ATF7IP: variants seen among roughly 807,000 people sequenced by gnomAD.
ATF7IP encodes the protein activating transcription factor 7-interacting protein 1.
In ATF7IP, 23 loss-of-function variants were observed where a neutral mutation model predicts 106.4. The ratio of observed to expected loss-of-function variants is 0.22; its 90% confidence interval spans 0.16 to 0.31. ATF7IP has a LOEUF of 0.31. ATF7IP is among the 10% of genes least tolerant of loss of function. The probability of loss-of-function intolerance (pLI) is 1.00; values close to 1 mark genes in which losing one functional copy is unlikely to be tolerated. For synonymous variants in ATF7IP, 542 were observed against 539.0 expected, an observed-to-expected ratio of 1.01 and a Z score of -0.08; for missense variants, 1,334 against 1,524.3, an observed-to-expected ratio of 0.88 and a Z score of 2.08.
At chr12:14,435,986 C>A (rs1391200333) in intron 3 of ATF7IP, 120 bp from the exon 4 acceptor site, 1 of 1,010,350 alleles carries the variant, frequency 9.9e-7, no homozygotes, top group Non-Finnish European at 1.4e-6. Context: ...AAACAGTTTA[C>A]AAAATAGTTG....
Position 14,424,788 on chromosome 12 carries a change from A to G in ATF7IP, c.873A>G (p.Pro291=). 1.2e-6 allele frequency: 2 copies of G among 1,614,192 alleles called. No homozygotes were observed. Among genetic ancestry groups the G allele is most frequent in the Admixed American group, 1.7e-5 (1 of 60,014 alleles). Residue 291 remains proline, a synonymous_variant, in exon 2 of 15, where the codon CCA becomes CCG. Transcript: ENST00000261168. ...SESTFDRTFE[P]KSVPVCEPVP... ...CAACCTTTGATCGTACCTTTGAACC[A>G]AAGTCTGTACCAGTTTGTGAACCAG...
At chr12:14,402,698 T>C (rs911593766) in intron 1 of ATF7IP, among the ~76,000 whole-genome samples, 1 of 151,174 alleles carries the variant, frequency 6.6e-6, no homozygotes, top group African/African-American at 2.4e-5. Flanking sequence ...AACCTCTGCC[T>C]CCTGGGTTCA....
intron 6 of ATF7IP, among the ~76,000 whole-genome samples, chr12:14,453,611 T>TTTCACC (rs934767759): frequency 1.3e-5 from 2 of 152,050 alleles, no homozygotes; most frequent in African/African-American, 4.8e-5. Context: ...TCTCTTTCAC[T>TTTCACC]TTCACCTAAT....
Position 14,474,073 on chromosome 12 carries a change from T to C in ATF7IP, c.2863-1817T>C, listed in dbSNP as rs541833928. On this transcript the variant is annotated intron_variant, in intron 10 of 14. Transcript: ENST00000261168. ...TGTTTTCCACCAAATTTGGGAAGTT[T>C]TTGGTTATTATTCAATTTTTTCTTT... 3.3e-5 allele frequency among the ~76,000 whole-genome samples: 5 copies of C among 152,068 alleles called. 1 individual carries two copies. The highest frequency in any genetic ancestry group is 1.2e-4 in the African/African-American group (5 of 41,560).
intron 1 of ATF7IP, among the ~76,000 whole-genome samples, chr12:14,403,040 TG>T (rs1457901309): frequency 2.6e-5 from 4 of 152,318 alleles, no homozygotes; most frequent in South Asian, 4.1e-4. Flanking sequence ...ATTACTATGG[TG>T]TTTTTTTGTG....
In ATF7IP at chr12:14,381,167, A is replaced by G. The variant is rs1938986876; in HGVS notation, c.-8+15340A>G. Reference sequence around the variant, plus strand: ...GCCAGGTAAATCAGATTGGTTCTTAACTTGTCACCACTGCAGCTTGGAATA... The same window carrying G: ...GCCAGGTAAATCAGATTGGTTCTTAGCTTGTCACCACTGCAGCTTGGAATA... On this transcript the variant is annotated intron_variant, in intron 1 of 14. Transcript: ENST00000261168. Among the ~76,000 whole-genome samples, 4 of 152,104 alleles carry G rather than the reference A, an allele frequency of 2.6e-5. No individual in the cohort carries two copies. The South Asian group carries it at 8.3e-4, about 31-fold the overall frequency.
Position 14,446,970 on chromosome 12 carries a change from C to CTTTTTTT in ATF7IP, c.1930-10_1930-4dup. 1 of 1,223,990 alleles carries CTTTTTTT rather than the reference C, an allele frequency of 8.2e-7. No homozygotes were observed. Among genetic ancestry groups the CTTTTTTT allele is most frequent in the East Asian group, 2.9e-5 (1 of 34,652 alleles). 75.8% of individuals were successfully genotyped at this position (1,223,990 alleles called of 1,614,324 possible). On this transcript the variant is annotated splice_polypyrimidine_tract_variant and intron_variant, in intron 5 of 14. Transcript: ENST00000261168. ...CTATTTGATTTCCATTCATTTTTGT[C>CTTTTTTT]TTTTTTTTTTTTTTCAGGCCAAGAT...
intron 13 of ATF7IP, among the ~76,000 whole-genome samples, chr12:14,492,522 A>AG (rs1944863503): frequency 6.8e-6 from 1 of 146,680 alleles, no homozygotes; most frequent in Non-Finnish European, 1.5e-5. Flanking sequence ...AAATTGATTG[A>AG]GGGGTCATCA....
At position 14,377,945 on chromosome 12, in the gene ATF7IP, T is replaced by C. The variant is rs140752131; in HGVS notation, c.-8+12118T>C. Among the ~76,000 whole-genome samples, 29 of 151,920 alleles carry C rather than the reference T, an allele frequency of 1.9e-4. No individual in the cohort carries two copies. In the East Asian group the frequency reaches 4.9e-3, roughly 26 times the overall value. ...GCCTGGTCTGACTTACCCAATTTTATCCTGGTAGGCAGGAGAACAGATTCT... is the reference window on the plus strand; with the variant it reads ...GCCTGGTCTGACTTACCCAATTTTACCCTGGTAGGCAGGAGAACAGATTCT... On this transcript the variant is annotated intron_variant, in intron 1 of 14. Coordinates refer to ENST00000261168, the MANE Select transcript of ATF7IP (RefSeq NM_018179.5).
chr12:14,417,776 G>A (rs1941279173), intron 1 of ATF7IP, among the ~76,000 whole-genome samples: 1 of 152,134 alleles, frequency 6.6e-6, no homozygotes, highest in South Asian at 2.1e-4. Context: ...CTGTGTTCTA[G>A]ATTACTTATT....
intron 1 of ATF7IP, among the ~76,000 whole-genome samples, chr12:14,420,644 A>G (rs1941456276): frequency 6.7e-6 from 1 of 149,410 alleles, no homozygotes; most frequent in South Asian, 2.1e-4. Context: ...GAAAAAAAAA[A>G]TAAAGAAATA....
At chr12:14,475,643 G>A (rs1195646796) in intron 10 of ATF7IP, among the ~76,000 whole-genome samples, 1 of 152,140 alleles carries the variant, frequency 6.6e-6, no homozygotes, top group African/African-American at 2.4e-5. Flanking sequence ...GCAACAGATA[G>A]CTTAGTTTTT....
At chr12:14,378,360 A>G (rs887325650) in intron 1 of ATF7IP, among the ~76,000 whole-genome samples, 8 of 152,216 alleles carry the variant, frequency 5.3e-5, no homozygotes, top group Non-Finnish European at 1.0e-4. Context: ...GGCCTCCCAA[A>G]GTGCTGGGAT....
At chr12:14,395,459 TC>T (rs1939786252) in intron 1 of ATF7IP, among the ~76,000 whole-genome samples, 1 of 152,152 alleles carries the variant, frequency 6.6e-6, no homozygotes, top group Admixed American at 6.5e-5. Context: ...TTCTCAAAAT[TC>T]CTTCACATTT....
rs1229302308 is a variant in ATF7IP at position 14,436,238 on chromosome 12, A to G, written c.1778A>G (p.Gln593Arg). The change falls in exon 4 of 15, where the codon CAG (glutamine) becomes CGG (arginine). Residue 593 changes from glutamine (Q) to arginine (R), a missense_variant. Transcript: ENST00000261168. ...ATTACAGCCAAAGGAGACATTAACC[A>G]GAAACTTCAAAAGGTATTGTGTCAA... ...VKITAKGDIN[Q>R]KLQKVIQWLL... The G allele has an allele frequency of 1.2e-6, 2 of 1,612,564 alleles. No homozygotes were observed. The highest frequency in any genetic ancestry group is 8.5e-7 in the Non-Finnish European group (1 of 1,179,392).
chr12:14,475,555 A>G (rs1944231392), intron 10 of ATF7IP, among the ~76,000 whole-genome samples: 1 of 152,216 alleles, frequency 6.6e-6, no homozygotes, highest in South Asian at 2.1e-4. Context: ...ATTAATATTG[A>G]TAATTTAGAG....
chr12:14,424,969 C>G lies in ATF7IP; in HGVS notation c.1054C>G (p.Leu352Val), dbSNP rs1302599076. 3.7e-6 allele frequency: 6 copies of G among 1,609,648 alleles called. No individual in the cohort carries two copies. The highest frequency in any genetic ancestry group is 5.1e-6 in the Non-Finnish European group (6 of 1,179,014). Residue 352 changes from leucine to valine, a missense_variant, in exon 2 of 15, where the codon CTA (leucine) becomes GTA (valine). Leu to Val is a conservative substitution (Grantham distance 32). Transcript: ENST00000261168. ...TAATATTGATGCTAATGAAGAAACTCTAGAAACAGATGATACAACTATTTG... is the reference window on the plus strand; with the variant it reads ...TAATATTGATGCTAATGAAGAAACTGTAGAAACAGATGATACAACTATTTG... ...DNNIDANEET[L>V]ETDDTTICSD...
At chr12:14,381,791 T>C (rs1939012141) in intron 1 of ATF7IP, among the ~76,000 whole-genome samples, 1 of 151,988 alleles carries the variant, frequency 6.6e-6, no homozygotes, top group Non-Finnish European at 1.5e-5. Flanking sequence ...TCTATAGTTT[T>C]CAATAATTTG....
At chr12:14,426,653 C>G (rs12820443) in intron 2 of ATF7IP, among the ~76,000 whole-genome samples, 3,018 of 149,782 alleles carry the variant, frequency 0.02, 33 homozygotes, top group Middle Eastern at 0.031. Flanking sequence ...ATGGTGAGAC[C>G]CCGTCTCTAC....
Sources: gnomAD v4.1 joint callset for allele counts (sites outside exome capture counted in the v4.1 genomes callset) on GRCh38, gnomAD v4.1.1 for gene constraint, MANE v1.5 for transcripts, NCBI Gene and HGNC (gene_info 2026-07-23, HGNC 2026-07-21) for gene names.